Variants in MAPK10 observed in about 807,000 individuals in gnomAD.
MAPK10 encodes the protein JNK3 alpha protein kinase.
In MAPK10, 25 loss-of-function variants were observed where a neutral mutation model predicts 59.3. The ratio of observed to expected loss-of-function variants is 0.42; its 90% CI spans 0.31 to 0.59. MAPK10 has a LOEUF of 0.59. Ranked by LOEUF, MAPK10 falls within the 20% of genes least tolerant of loss-of-function variation. The pLI, the probability that MAPK10 is intolerant of heterozygous loss-of-function variation, is 0.15. For missense variants in MAPK10, 351 were observed against 568.9 expected, an observed-to-expected ratio of 0.62 and a Z score of 3.90; for synonymous variants, 190 against 200.5, an observed-to-expected ratio of 0.95 and a Z score of 0.44.
At chr4:86,408,511 C>T (rs944054278) in intron 1 of MAPK10, among the ~76,000 whole-genome samples, 2 of 152,172 alleles carry the variant, frequency 1.3e-5, no homozygotes, top group African/African-American at 4.8e-5. Context: ...ATTTACACTT[C>T]CACCAACAGT....
intron 1 of MAPK10, among the ~76,000 whole-genome samples, chr4:86,502,172 C>T (rs575917540): frequency 6.6e-6 from 1 of 151,948 alleles, no homozygotes; most frequent in South Asian, 2.1e-4. Context: ...TTTTTTTCCT[C>T]CTCTAAATGT....
intron 4 of MAPK10, among the ~76,000 whole-genome samples, chr4:86,130,944 T>C (rs1377282533): frequency 6.6e-6 from 1 of 152,148 alleles, no homozygotes; most frequent in Non-Finnish European, 1.5e-5. Flanking sequence ...CAGATTCTAG[T>C]GCTGAGGAGC....
intron 2 of MAPK10, among the ~76,000 whole-genome samples, chr4:86,345,950 G>A (rs555611554): frequency 6.6e-6 from 1 of 152,298 alleles, no homozygotes; most frequent in Non-Finnish European, 1.5e-5. Context: ...TAACATTTCT[G>A]TTTGAATAGC....
intron 3 of MAPK10, among the ~76,000 whole-genome samples, chr4:86,178,202 A>AAC (rs1172106665): frequency 3.3e-5 from 5 of 152,036 alleles, no homozygotes; most frequent in African/African-American, 1.2e-4. Context: ...GTTCCTTTGC[A>AAC]TTTAATCATA....
chr4:86,582,260 CA>C (rs1762363258), intron 1 of MAPK10, among the ~76,000 whole-genome samples: 1 of 151,804 alleles, frequency 6.6e-6, no homozygotes, highest in Admixed American at 6.6e-5. Flanking sequence ...TTTGTAAGTA[CA>C]AGGCAAATTT....
intron 1 of MAPK10, chr4:86,370,790 G>T (rs868742640): frequency 1.2e-4 from 18 of 152,302 alleles, no homozygotes; most frequent in African/African-American, 3.1e-4. Flanking sequence ...CCCATCAGAT[G>T]TTGGGCAGAT....
intron 1 of MAPK10, among the ~76,000 whole-genome samples, chr4:86,479,033 G>A (rs1363861547): frequency 6.6e-6 from 1 of 152,092 alleles, no homozygotes; most frequent in African/African-American, 2.4e-5. Context: ...TACTCAACAT[G>A]CCCTGAGTCA....
Position 86,338,971 on chromosome 4 carries a change from T to TA in MAPK10, c.-7+15558dup, listed in dbSNP as rs34885616. Among the ~76,000 whole-genome samples, 378 of 151,376 alleles carry TA rather than the reference T, an allele frequency of 2.5e-3. 2 individuals carry two copies. Among genetic ancestry groups the TA allele is most frequent in the Non-Finnish European group, 3.4e-3 (234 of 67,884 alleles). On this transcript the variant is annotated intron_variant, in intron 2 of 13. Transcript: ENST00000641462. ...TGTGCTACATACCCATTTTGTAGAT[T>TA]AAAAAAAAAACCCAAGTCTTAAAAA...
intron 1 of MAPK10, among the ~76,000 whole-genome samples, chr4:86,498,281 G>A (rs1201347870): frequency 6.6e-6 from 1 of 152,202 alleles, no homozygotes; most frequent in Non-Finnish European, 1.5e-5. Flanking sequence ...GCTATTTCTG[G>A]TGCAGTCCTA....
intron 2 of MAPK10, among the ~76,000 whole-genome samples, chr4:86,304,190 A>G (rs1398804215): frequency 1.3e-5 from 2 of 152,304 alleles, no homozygotes; most frequent in Middle Eastern, 6.8e-3. Flanking sequence ...TTACATGGGA[A>G]TGGGAATTTG....
At chr4:86,278,481 G>A (rs2094668429) in intron 2 of MAPK10, among the ~76,000 whole-genome samples, 1 of 152,056 alleles carries the variant, frequency 6.6e-6, no homozygotes, top group Non-Finnish European at 1.5e-5. Flanking sequence ...GGCAAAAGGA[G>A]TTATGTCTAG....
intron 2 of MAPK10, among the ~76,000 whole-genome samples, chr4:86,311,190 A>G (rs1012263562): frequency 6.6e-6 from 1 of 152,152 alleles, no homozygotes; most frequent in African/African-American, 2.4e-5. Context: ...ATGTATTAAT[A>G]TCAACAAAAA....
intron 3 of MAPK10, among the ~76,000 whole-genome samples, chr4:86,163,612 G>T (rs945727072): frequency 1.3e-5 from 2 of 152,126 alleles, no homozygotes; most frequent in Non-Finnish European, 2.9e-5. Context: ...GTTTTAACAT[G>T]GATTAGGACT....
intron 3 of MAPK10, among the ~76,000 whole-genome samples, chr4:86,167,633 T>C (rs1009097462): frequency 1.3e-5 from 2 of 152,178 alleles, no homozygotes; most frequent in Non-Finnish European, 2.9e-5. Flanking sequence ...ATTATCTCAA[T>C]AGATGCAGAA....
intron 4 of MAPK10, among the ~76,000 whole-genome samples, chr4:86,128,361 A>T (rs925129661): frequency 1.1e-4 from 17 of 151,988 alleles, no homozygotes; most frequent in African/African-American, 4.1e-4. Flanking sequence ...CCTGAGAGGG[A>T]CCAGATGGAG....
At chr4:86,527,162 AAGTT>A (rs1477609548) in intron 1 of MAPK10, among the ~76,000 whole-genome samples, 4 of 151,814 alleles carry the variant, frequency 2.6e-5, no homozygotes, top group African/African-American at 7.3e-5. Flanking sequence ...TTAAAAATAA[AAGTT>A]AGCCAGGCAT....
At chr4:86,215,077 A>T (rs529703834) in intron 2 of MAPK10, among the ~76,000 whole-genome samples, 4 of 152,218 alleles carry the variant, frequency 2.6e-5, no homozygotes, top group Non-Finnish European at 5.9e-5. Context: ...TAGATCAATG[A>T]AATAGAATAG....
chr4:86,057,338 C>T (rs2044783151), intron 11 of MAPK10, among the ~76,000 whole-genome samples: 1 of 150,110 alleles, frequency 6.7e-6, no homozygotes, highest in Admixed American at 6.6e-5. Flanking sequence ...GCAGTTGATG[C>T]ACATCTGGTT....
At chr4:86,277,323 C>A (rs2094612862) in intron 2 of MAPK10, 1 of 152,030 alleles carries the variant, frequency 6.6e-6, no homozygotes, top group African/African-American at 2.4e-5. Flanking sequence ...CCCTATTACC[C>A]ACTGGGGGGA....
Sources: gnomAD v4.1 joint callset for allele counts (sites outside exome capture counted in the v4.1 genomes callset) on GRCh38, gnomAD v4.1.1 for gene constraint, MANE v1.5 for transcripts, NCBI Gene and HGNC (gene_info 2026-07-23, HGNC 2026-07-21) for gene names.